SLC25A21: variants seen among roughly 807,000 people sequenced by gnomAD.
SLC25A21 encodes the protein solute carrier family 25 member 21, also known as mitochondrial 2-oxodicarboxylate carrier.
A neutral mutation model predicts 43.8 loss-of-function variants in SLC25A21; 47 were observed. That is an observed-to-expected ratio of 1.07 (90% CI 0.85 to 1.37). SLC25A21 has a LOEUF of 1.37. Among genes scored for constraint, SLC25A21 ranks in the 40% most tolerant of loss-of-function variants. The probability of loss-of-function intolerance (pLI) is 0.00; values close to 1 mark genes in which losing one functional copy is unlikely to be tolerated. For missense variants in SLC25A21, 352 were observed against 350.2 expected, an observed-to-expected ratio of 1.00 and a Z score of -0.04; for synonymous variants, 131 against 121.3, an observed-to-expected ratio of 1.08 and a Z score of -0.52.
intron 3 of SLC25A21, among the ~76,000 whole-genome samples, chr14:36,784,844 G>C (rs957970931): frequency 3.9e-5 from 6 of 152,140 alleles, no homozygotes; most frequent in African/African-American, 1.4e-4. Context: ...TACAAATAAG[G>C]AGAACCCAGG....
At chr14:36,854,179 C>A (rs532581359) in intron 2 of SLC25A21, among the ~76,000 whole-genome samples, 1 of 152,194 alleles carries the variant, frequency 6.6e-6, no homozygotes. Context: ...CACATTTTAA[C>A]AGAGGGAACC....
rs1273070915 is a variant in SLC25A21 at position 36,680,184 on chromosome 14, A to C, written c.*474T>G. On this transcript the variant is annotated 3_prime_UTR_variant, in exon 10 of 10. Coordinates refer to ENST00000331299, the MANE Select transcript of SLC25A21 (RefSeq NM_030631.4). ...TTCTTGTGCTCTTTAAATATTATTTATGGAATAATTTAATTCATTATAAAA... is the reference window on the plus strand; with the variant it reads ...TTCTTGTGCTCTTTAAATATTATTTCTGGAATAATTTAATTCATTATAAAA... The C allele has an allele frequency of 3.6e-6, 3 of 832,612 alleles. No individual in the cohort carries two copies. The highest frequency in any genetic ancestry group is 4.3e-6 in the Non-Finnish European group (3 of 691,550). The allele number at this position is 832,612 out of a possible 1,614,324, so 51.6% of individuals were successfully genotyped here. A position where few individuals can be genotyped will look rare whatever the true frequency, so the allele number is the denominator to read the frequency against.
At chr14:36,867,628 G>T (rs1048335593) in intron 2 of SLC25A21, among the ~76,000 whole-genome samples, 1 of 152,130 alleles carries the variant, frequency 6.6e-6, no homozygotes. Context: ...TACATAACAC[G>T]TAAGTCTTGT....
chr14:36,843,530 A>G (rs995301295), intron 2 of SLC25A21, among the ~76,000 whole-genome samples: 12 of 152,180 alleles, frequency 7.9e-5, no homozygotes, highest in Admixed American at 2.6e-4. Context: ...TTTGCCATGC[A>G]TTTTTCTCTT....
intron 1 of SLC25A21, among the ~76,000 whole-genome samples, chr14:37,143,330 C>G (rs1963601920): frequency 6.6e-6 from 1 of 152,160 alleles, no homozygotes; most frequent in South Asian, 2.1e-4. Flanking sequence ...CTAACTGCTC[C>G]CACCCTTTCT....
intron 1 of SLC25A21, among the ~76,000 whole-genome samples, chr14:36,876,790 T>C (rs1890539117): frequency 6.6e-6 from 1 of 151,644 alleles, no homozygotes; most frequent in Non-Finnish European, 1.5e-5. Flanking sequence ...TCTATGTTTG[T>C]TGCTGTTTTT....
intron 1 of SLC25A21, among the ~76,000 whole-genome samples, chr14:37,131,366 G>A (rs903459672): frequency 3.3e-5 from 5 of 152,116 alleles, no homozygotes; most frequent in Non-Finnish European, 5.9e-5. Flanking sequence ...ATTCTGGTGT[G>A]GCATTAGTCC....
chr14:36,779,865 C>G (rs916299039), intron 3 of SLC25A21, among the ~76,000 whole-genome samples: 1 of 151,474 alleles, frequency 6.6e-6, no homozygotes, highest in African/African-American at 2.4e-5. Context: ...ATTTTTGGAA[C>G]CTCTATACTG....
rs542101549 is a variant in SLC25A21, at chr14:37,042,812, C to T, written c.70+129469G>A. 3.3e-5 allele frequency among the ~76,000 whole-genome samples: 5 copies of T among 152,328 alleles called. 1 individual carries two copies. The highest frequency in any genetic ancestry group is 7.2e-5 in the African/African-American group (3 of 41,560). On this transcript the variant is annotated intron_variant, in intron 1 of 9. Coordinates refer to ENST00000331299, the MANE Select transcript of SLC25A21 (RefSeq NM_030631.4). ...CCAAGCTATCATTCTCTTACCTTTT[C>T]CATTACATATTCAATTTTCTCCTAA...
chr14:36,912,976 C>T lies in SLC25A21; in HGVS notation c.71-37972G>A, dbSNP rs1891732803. Among the ~76,000 whole-genome samples the T allele has an allele frequency of 1.3e-5, 2 of 152,190 alleles. 1 individual carries two copies. The highest frequency in any genetic ancestry group is 4.1e-4 in the South Asian group (2 of 4,834). On this transcript the variant is annotated intron_variant, in intron 1 of 9. Transcript: ENST00000331299. ...AAATGAGTTCCTTCCTCCAACCTTT[C>T]TCCTTTTTTTTTCCCAGCAACCACT...
chr14:37,008,507 A>G (rs1271312959), intron 1 of SLC25A21, among the ~76,000 whole-genome samples: 2 of 152,218 alleles, frequency 1.3e-5, no homozygotes, highest in Admixed American at 1.3e-4. Context: ...AACCACATCA[A>G]TACAAAGGTA....
At chr14:36,749,268 T>A (rs1950358) in intron 3 of SLC25A21, among the ~76,000 whole-genome samples, 54,387 of 152,068 alleles carry the variant, frequency 0.36, 10,249 homozygotes, top group South Asian at 0.53. Context: ...TCTTCTAAAT[T>A]TAATTTGGCT....
At chr14:36,891,588 T>C (rs550357132) in intron 1 of SLC25A21, among the ~76,000 whole-genome samples, 1 of 152,066 alleles carries the variant, frequency 6.6e-6, no homozygotes, top group South Asian at 2.1e-4. Flanking sequence ...CTAAAAGGAG[T>C]ATTTATACTC....
intron 2 of SLC25A21, among the ~76,000 whole-genome samples, chr14:36,824,320 T>C (rs752435841): frequency 6.6e-6 from 1 of 152,126 alleles, no homozygotes; most frequent in Non-Finnish European, 1.5e-5. Flanking sequence ...CTTATCATAG[T>C]TGAGGAAAAT....
intron 1 of SLC25A21, among the ~76,000 whole-genome samples, chr14:37,131,156 C>T (rs1172948334): frequency 6.6e-6 from 1 of 152,112 alleles, no homozygotes; most frequent in Non-Finnish European, 1.5e-5. Context: ...ATATATGTTA[C>T]ATTTAAATTT....
chr14:36,902,464 C>CAT, intron 1 of SLC25A21, among the ~76,000 whole-genome samples: 1 of 150,786 alleles, frequency 6.6e-6, no homozygotes, highest in East Asian at 2.0e-4. Flanking sequence ...CACACACACA[C>CAT]GAACTCTGAA....
At chr14:36,784,958 A>G (rs1162121948) in intron 3 of SLC25A21, among the ~76,000 whole-genome samples, 1 of 152,174 alleles carries the variant, frequency 6.6e-6, no homozygotes, top group Non-Finnish European at 1.5e-5. Flanking sequence ...GCTAAAATAA[A>G]TTTTTAGATA....
chr14:37,153,236 C>T (rs1389469056), intron 1 of SLC25A21, among the ~76,000 whole-genome samples: 3 of 152,212 alleles, frequency 2.0e-5, no homozygotes, highest in Non-Finnish European at 4.4e-5. Flanking sequence ...TAAGAAGCTA[C>T]AGGAAGGTGC....
At chr14:36,905,400 G>A (rs1027015674) in intron 1 of SLC25A21, among the ~76,000 whole-genome samples, 12 of 152,172 alleles carry the variant, frequency 7.9e-5, no homozygotes, top group African/African-American at 2.4e-4. Context: ...ATGAAACTGT[G>A]TAAGCTAGAT....
Sources: allele counts gnomAD v4.1 joint callset (sites outside exome capture counted in the v4.1 genomes callset), GRCh38; gene constraint gnomAD v4.1.1; transcripts MANE v1.5; gene names NCBI Gene and HGNC (gene_info 2026-07-23, HGNC 2026-07-21).